LITAF: variants seen among roughly 807,000 people sequenced by gnomAD.
The protein encoded by LITAF is lipopolysaccharide-induced tumor necrosis factor-alpha factor.
LITAF carries 9 observed loss-of-function variants against 14.5 expected under a neutral mutation model. The ratio of observed to expected loss-of-function variants is 0.62; its 90% CI spans 0.37 to 1.08. LITAF has a LOEUF of 1.08. Ranked by LOEUF, LITAF falls within the 50% of genes least tolerant of loss-of-function variation. The pLI, the probability that LITAF is intolerant of heterozygous loss-of-function variation, is 0.01. For synonymous variants in LITAF, 98 were observed against 88.2 expected (o/e 1.11, Z -0.62); for missense variants, 206 against 213.4 (o/e 0.97, Z 0.22).
chr16:11,629,054 C>T (rs2065102641), intron 3 of LITAF: 1 of 152,340 alleles, frequency 6.6e-6, no homozygotes, highest in African/African-American at 2.4e-5. Flanking sequence ...AGTAATCCTC[C>T]CGCCTCGCCC....
chr16:11,597,905 T>G (rs2064900726), intron 1 of LITAF, among the ~76,000 whole-genome samples: 1 of 152,108 alleles, frequency 6.6e-6, no homozygotes, highest in Non-Finnish European at 1.5e-5. Flanking sequence ...CATGCTTTTT[T>G]GCTTTCTTTT....
intron 3 of LITAF, among the ~76,000 whole-genome samples, chr16:11,607,678 C>CA (rs976380852): frequency 2.6e-5 from 4 of 150,958 alleles, no homozygotes; most frequent in East Asian, 1.9e-4. Context: ...GTTGTGAATG[C>CA]AAAAAAAAAT....
chr16:11,629,648 T>C (rs1342966922), intron 3 of LITAF, among the ~76,000 whole-genome samples: 1 of 152,104 alleles, frequency 6.6e-6, no homozygotes, highest in Non-Finnish European at 1.5e-5. Context: ...CACCTGCTTT[T>C]GGGGAAGGAG....
At chr16:11,638,100 A>C (rs796814999), upstream of LITAF, among the ~76,000 whole-genome samples, 2,108 of 122,864 alleles carry the variant, frequency 0.017, 572 homozygotes, top group African/African-American at 0.072. Context: ...ATCTATCTAT[A>C]TATATATATC....
At chr16:11,608,586 T>C (rs971566386) in intron 3 of LITAF, among the ~76,000 whole-genome samples, 2 of 152,076 alleles carry the variant, frequency 1.3e-5, no homozygotes, top group Non-Finnish European at 2.9e-5. Flanking sequence ...TATTCAGCCA[T>C]GGAAAAGAAT....
intron 3 of LITAF, among the ~76,000 whole-genome samples, chr16:11,628,645 G>C (rs1001361882): frequency 5.9e-5 from 9 of 152,002 alleles, no homozygotes; most frequent in Admixed American, 4.6e-4. Flanking sequence ...TGGGATTACA[G>C]GTGTGTGCCA....
chr16:11,607,795 G>A (rs2064962279), intron 3 of LITAF, among the ~76,000 whole-genome samples: 1 of 152,166 alleles, frequency 6.6e-6, no homozygotes, highest in Non-Finnish European at 1.5e-5. Context: ...GTCATTCATT[G>A]TTATGGGCGC....
At chr16:11,554,227 G>A (rs2064231972) in intron 2 of LITAF, among the ~76,000 whole-genome samples, 2 of 151,734 alleles carry the variant, frequency 1.3e-5, no homozygotes, top group African/African-American at 4.9e-5. Context: ...GCGACGCTCA[G>A]TCCCAAAAAC....
Position 11,553,504 on chromosome 16 carries a change from G to A in LITAF, c.377+29C>T. On this transcript the variant is annotated intron_variant, in intron 3 of 3. Coordinates refer to ENST00000622633, the MANE Select transcript of LITAF (RefSeq NM_001136472.2). This position sits in a 1 kb window ranked among gnomAD's most constrained non-coding sequence, Gnocchi z 7.7. ...AGCACCCAGAGAGAAGGGCAGGATG[G>A]CTTGGGGCCAAGTGGGAGGCAGACT... 1 of 1,613,142 alleles carries A rather than the reference G, an allele frequency of 6.2e-7. No homozygotes were observed. The highest frequency in any genetic ancestry group is 8.5e-7 in the Non-Finnish European group (1 of 1,179,776).
intron 1 of LITAF, among the ~76,000 whole-genome samples, chr16:11,594,441 G>A (rs1267598636): frequency 6.6e-6 from 1 of 152,076 alleles, no homozygotes; most frequent in Non-Finnish European, 1.5e-5. Context: ...TCCTCTGGGT[G>A]TACTCTGAAA....
chr16:11,581,970 G>C (rs1167468066), intron 1 of LITAF, among the ~76,000 whole-genome samples: 1 of 152,166 alleles, frequency 6.6e-6, no homozygotes, highest in Non-Finnish European at 1.5e-5. Context: ...GAGGTTGGTT[G>C]ATAGGTACAA....
upstream of LITAF, chr16:11,587,477 G>A: frequency 2.2e-6 from 1 of 453,710 alleles, no homozygotes; most frequent in South Asian, 1.6e-5. Context: ...TCTGAGCTCG[G>A]CTTCCTGTCT....
At position 11,554,684 on chromosome 16, in the gene LITAF, A is replaced by G. The variant is rs1248067464; in HGVS notation, c.221-995T>C. Among the ~76,000 whole-genome samples the G allele has an allele frequency of 3.4e-5, 5 of 147,448 alleles. No individual in the cohort carries two copies. The South Asian group carries it at 1.2e-3, about 35-fold the overall frequency. ...GTGCCTGTAGTCCCAGCTACTTGGG[A>G]GGCTGAGGCAGGAGAATTGCTTGAA... On this transcript the variant is annotated intron_variant, in intron 2 of 3. Transcript: ENST00000622633.
At chr16:11,603,500 A>G (rs139025877), upstream of LITAF, among the ~76,000 whole-genome samples, 1,138 of 152,312 alleles carry the variant, frequency 7.5e-3, 16 homozygotes, top group African/African-American at 0.026. Context: ...ACACGCCTTG[A>G]GATGTCGGTC....
intron 1 of LITAF, among the ~76,000 whole-genome samples, chr16:11,564,082 T>C (rs1449969703): frequency 6.6e-6 from 1 of 152,008 alleles, no homozygotes; most frequent in Admixed American, 6.6e-5. Flanking sequence ...AATTTTTTTG[T>C]ATTTTTACTA....
chr16:11,562,018 A>G (rs1245497087), intron 1 of LITAF, among the ~76,000 whole-genome samples: 1 of 152,058 alleles, frequency 6.6e-6, no homozygotes, highest in Non-Finnish European at 1.5e-5. Flanking sequence ...TCGTAGACTC[A>G]AACAATCCTC....
intron 3 of LITAF, among the ~76,000 whole-genome samples, chr16:11,613,537 C>T (rs1364912998): frequency 6.6e-6 from 1 of 152,232 alleles, no homozygotes; most frequent in African/African-American, 2.4e-5. Context: ...TTCCCTAGAA[C>T]GGACAACTCC....
At chr16:11,620,706 G>A (rs574159728) in intron 3 of LITAF, among the ~76,000 whole-genome samples, 3 of 152,236 alleles carry the variant, frequency 2.0e-5, no homozygotes, top group Non-Finnish European at 4.4e-5. Flanking sequence ...AGCAGCACAA[G>A]TATGATGATA....
In LITAF at chr16:11,605,632, A is replaced by C. The variant is rs1304628661; in HGVS notation, c.85+27901T>G. ...AGTGAGAAGAGGGGAGGAAGCAAGAAAAAGTAAAGCAGCAGCCAGCCGGGC... is the reference window on the plus strand; with the variant it reads ...AGTGAGAAGAGGGGAGGAAGCAAGACAAAGTAAAGCAGCAGCCAGCCGGGC... On this transcript the variant is annotated intron_variant, in intron 3 of 3. Transcript: ENST00000574848. This position sits in a 1 kb window ranked among gnomAD's most constrained non-coding sequence, Gnocchi z 4.7. Among the ~76,000 whole-genome samples, 1 of 152,176 alleles carries C rather than the reference A, an allele frequency of 6.6e-6. No individual in the cohort carries two copies. The highest frequency in any genetic ancestry group is 1.5e-5 in the Non-Finnish European group (1 of 68,016).
Sources: allele counts gnomAD v4.1 joint callset (sites outside exome capture counted in the v4.1 genomes callset), GRCh38; gene constraint gnomAD v4.1.1; non-coding constraint Gnocchi (gnomAD v3.1); transcripts MANE v1.5; gene names NCBI Gene and HGNC (gene_info 2026-07-23, HGNC 2026-07-21).